FRMPD4: variants seen among roughly 807,000 people sequenced by gnomAD.
The protein encoded by FRMPD4 is FERM and PDZ domain containing 4.
In FRMPD4, 22 loss-of-function variants were observed where a neutral mutation model predicts 94.1. The observed-to-expected ratio is 0.23, with a 90% CI of 0.17 to 0.33. The LOEUF is 0.33. Among genes scored for constraint, FRMPD4 ranks in the 10% least tolerant of loss-of-function variants. FRMPD4 has a pLI of 1.00. For synonymous variants in FRMPD4, 631 were observed against 548.6 expected (o/e 1.15, Z -2.10); for missense variants, 1,111 against 1,339.9 (o/e 0.83, Z 2.67).
chrX:12,307,688 G>C (rs1328111579), intron 1 of FRMPD4, among the ~76,000 whole-genome samples: 1 of 111,261 alleles, frequency 9.0e-6, no homozygotes, highest in Non-Finnish European at 1.9e-5. Flanking sequence ...CTTCAGATCA[G>C]TACACTTTGC....
At chrX:12,552,338 G>T (rs1327255741) in intron 2 of FRMPD4, among the ~76,000 whole-genome samples, 1 of 111,210 alleles carries the variant, frequency 9.0e-6, no homozygotes, top group East Asian at 2.8e-4. Context: ...TCAAATTCAG[G>T]ATTGTAAGAT....
chrX:12,310,318 C>T lies in FRMPD4; in HGVS notation c.41+171306C>T, dbSNP rs943267138. Among the ~76,000 whole-genome samples the T allele has an allele frequency of 4.5e-5, 5 of 110,548 alleles. No homozygotes were observed. The East Asian group carries it at 1.4e-3, about 32-fold the overall frequency. ...TAATGTCATCACTTAAGGCAAGGAC[C>T]GGCCATTTTCACTTCTTTTGTGGTG... On this transcript the variant is annotated intron_variant, in intron 1 of 16. Coordinates refer to ENST00000675598, the MANE Select transcript of FRMPD4 (RefSeq NM_001368397.1).
chrX:12,483,981 C>T (rs963487044), intron 1 of FRMPD4, among the ~76,000 whole-genome samples: 6 of 111,086 alleles, frequency 5.4e-5, no homozygotes, highest in African/African-American at 1.6e-4. Flanking sequence ...TACGGGCTTA[C>T]GGGACTCACA....
At chrX:12,442,855 TAAAGA>T (rs1238030054) in intron 1 of FRMPD4, among the ~76,000 whole-genome samples, 4 of 111,930 alleles carry the variant, frequency 3.6e-5, no homozygotes, top group East Asian at 2.8e-4. Context: ...TGATGAATGA[TAAAGA>T]AAATAGGATG....
chrX:12,420,139 T>C (rs2056863542), intron 1 of FRMPD4, among the ~76,000 whole-genome samples: 1 of 111,571 alleles, frequency 9.0e-6, no homozygotes, highest in African/African-American at 3.3e-5. Context: ...TCTATTCTCA[T>C]GGCCCACACT....
At chrX:12,208,778 C>T (rs1468325276) in intron 1 of FRMPD4, among the ~76,000 whole-genome samples, 1 of 111,563 alleles carries the variant, frequency 9.0e-6, no homozygotes, top group Non-Finnish European at 1.9e-5. Context: ...TTAAGCTATT[C>T]TGCCCTCCAA....
intron 3 of FRMPD4, among the ~76,000 whole-genome samples, chrX:12,116,793 AGCATT>A (rs2055413067): frequency 8.9e-6 from 1 of 112,177 alleles, no homozygotes; most frequent in Admixed American, 9.5e-5. Context: ...CTGACATAAT[AGCATT>A]AGATAACATA....
chrX:12,678,272 G>A (rs181936851), intron 5 of FRMPD4, among the ~76,000 whole-genome samples: 2,510 of 112,094 alleles, frequency 0.022, 38 homozygotes, highest in Middle Eastern at 0.056. Context: ...AAATAATTCC[G>A]AAAAGAAAAT....
intron 1 of FRMPD4, among the ~76,000 whole-genome samples, chrX:12,351,002 C>T (rs963574932): frequency 4.5e-5 from 5 of 111,014 alleles, no homozygotes; most frequent in Admixed American, 2.9e-4. Context: ...GGTGAAACCC[C>T]GTCTCTACTA....
chrX:12,232,330 C>G (rs1226981614), intron 1 of FRMPD4, among the ~76,000 whole-genome samples: 2 of 111,658 alleles, frequency 1.8e-5, no homozygotes, highest in Non-Finnish European at 3.8e-5. Context: ...AGGAAACTTA[C>G]AATCATAGCA....
At chrX:12,220,283 G>C (rs968015050) in intron 1 of FRMPD4, among the ~76,000 whole-genome samples, 2 of 112,036 alleles carry the variant, frequency 1.8e-5, no homozygotes, top group Non-Finnish European at 3.8e-5. Context: ...GAAGCATGTG[G>C]TGCCCAAAGT....
intron 1 of FRMPD4, among the ~76,000 whole-genome samples, chrX:12,270,544 T>C (rs2054340120): frequency 8.9e-6 from 1 of 111,917 alleles, no homozygotes; most frequent in Non-Finnish European, 1.9e-5. Context: ...ACATAATGAT[T>C]GTTTTACTCT....
At chrX:12,621,956 G>A (rs1384258224) in intron 4 of FRMPD4, among the ~76,000 whole-genome samples, 2 of 88,362 alleles carry the variant, frequency 2.3e-5, no homozygotes, top group Non-Finnish European at 4.3e-5. Flanking sequence ...GAGAGAGAGA[G>A]AAAGAAAGAA....
chrX:11,910,914 A>G (rs1419587834), intron 3 of FRMPD4, among the ~76,000 whole-genome samples: 12 of 109,562 alleles, frequency 1.1e-4, no homozygotes, highest in Non-Finnish European at 2.3e-4. Context: ...GCTGTTACAA[A>G]AAAGAAATGT....
chrX:11,983,109 C>T (rs1323773875), intron 3 of FRMPD4, among the ~76,000 whole-genome samples: 1 of 112,069 alleles, frequency 8.9e-6, no homozygotes, highest in Non-Finnish European at 1.9e-5. Flanking sequence ...CAGCTTAAAG[C>T]TTTTCATGTC....
At chrX:12,397,943 G>C (rs2056564129) in intron 1 of FRMPD4, among the ~76,000 whole-genome samples, 1 of 111,576 alleles carries the variant, frequency 9.0e-6, no homozygotes, top group African/African-American at 3.3e-5. Context: ...AGTTGTTAAA[G>C]ATGTTTAACA....
intron 1 of FRMPD4, among the ~76,000 whole-genome samples, chrX:11,837,987 T>G (rs2053511295): frequency 9.0e-6 from 1 of 111,574 alleles, no homozygotes; most frequent in Non-Finnish European, 1.9e-5. Context: ...CATGAAAAAT[T>G]AGAAAGCAAT....
rs191376065 is a variant in FRMPD4, at chrX:12,678,615, C to T, written c.468+3707C>T. ...CCGAGGCGGGCAGATCACCTGAGGT[C>T]GGGAGTTCGAGACCAGCCTGATCAA... On this transcript the variant is annotated intron_variant, in intron 5 of 16. Transcript: ENST00000675598. Among the ~76,000 whole-genome samples the T allele has an allele frequency of 6.1e-3, 676 of 111,692 alleles. 4 individuals carry two copies. Among genetic ancestry groups the T allele is most frequent in the Non-Finnish European group, 1.0e-2 (528 of 53,048 alleles).
intron 3 of FRMPD4, among the ~76,000 whole-genome samples, chrX:12,078,270 A>T (rs1188371372): frequency 8.9e-6 from 1 of 112,342 alleles, no homozygotes; most frequent in Non-Finnish European, 1.9e-5. Context: ...CTAGTGTTTT[A>T]AGGCGAAGTC....
Sources: gnomAD v4.1 joint callset for allele counts (sites outside exome capture counted in the v4.1 genomes callset) on GRCh38, gnomAD v4.1.1 for gene constraint, MANE v1.5 for transcripts, NCBI Gene and HGNC (gene_info 2026-07-23, HGNC 2026-07-21) for gene names.